RNF43: variants seen among roughly 807,000 people sequenced by gnomAD.
The protein encoded by RNF43 is E3 ubiquitin-protein ligase RNF43.
Under a neutral mutation model 78.4 loss-of-function variants are expected in RNF43, and 37 were observed. The observed-to-expected ratio is 0.47, with a 90% CI of 0.36 to 0.62. The LOEUF is 0.62. Among genes scored for constraint, RNF43 ranks in the 20% least tolerant of loss-of-function variants. The probability of loss-of-function intolerance (pLI) is 0.00; values close to 1 mark genes in which losing one functional copy is unlikely to be tolerated. For synonymous variants in RNF43, 347 were observed against 395.0 expected (o/e 0.88, Z 1.44); for missense variants, 774 against 1,007.9 (o/e 0.77, Z 3.14).
rs745728704 is a variant in RNF43 at position 58,358,759 on chromosome 17, G to C, written c.1017C>G (p.Leu339=). The change falls in exon 9 of 10, where the codon CTC becomes CTG. Residue 339 remains leucine (L), a synonymous_variant. Transcript: ENST00000407977. This position sits in a 1 kb window ranked among gnomAD's most constrained non-coding sequence, Gnocchi z 6.2. The part of the protein sequence containing the change: ...SRSYQEPGRR[L]HLIRQHPGHA... Reference sequence around the variant, plus strand: ...GGCCGGGATGCTGGCGAATGAGGTGGAGTCTTCGACCTGGTTCTTGGTAAG... The same window carrying C: ...GGCCGGGATGCTGGCGAATGAGGTGCAGTCTTCGACCTGGTTCTTGGTAAG... The C allele has an allele frequency of 3.5e-5, 54 of 1,561,122 alleles. No individual in the cohort carries two copies. In the South Asian group the frequency reaches 6.1e-4, roughly 18 times the overall value.
chr17:58,393,987 C>T (rs1258383783), intron 2 of RNF43, among the ~76,000 whole-genome samples: 8 of 152,132 alleles, frequency 5.3e-5, no homozygotes, highest in Non-Finnish European at 1.0e-4. Context: ...ACCTGGGAGG[C>T]GGAGCTTGCA....
chr17:58,416,945 T>C (rs766732077), intron 1 of RNF43, 72 bp downstream of exon 1: 18 of 152,198 alleles, frequency 1.2e-4, no homozygotes, highest in Non-Finnish European at 2.2e-4. Context: ...CATGAACCTG[T>C]TATATGGATT....
rs1348340748 is a variant in RNF43 at position 58,357,827 on chromosome 17, C to T, written c.1949G>A (p.Arg650Gln). 5.6e-6 allele frequency: 9 copies of T among 1,613,934 alleles called. No individual in the cohort carries two copies. Among genetic ancestry groups the T allele is most frequent in the East Asian group, 2.2e-5 (1 of 44,874 alleles). ...FNLQKSSLSA[R>Q]HPQRKRRGGP... ...CCCCCGCCTTTTCCTCTGTGGGTGT[C>T]GGGCAGAGAGGCTGGATTTTTGCAA... Residue 650 changes from arginine to glutamine, a missense_variant, in exon 9 of 10, where the codon CGA becomes CAA. Physicochemically the swap from Arg to Gln is conservative, Grantham distance 43 (BLOSUM62 1). Coordinates refer to ENST00000407977, the MANE Select transcript of RNF43 (RefSeq NM_017763.6). The surrounding 1 kb of genome is among the most constrained non-coding windows in gnomAD (Gnocchi z 4.5).
rs1481105277 is a variant in RNF43 at position 58,358,672 on chromosome 17, C to A, written c.1104G>T (p.Arg368=). The A allele has an allele frequency of 6.6e-7, 1 of 1,526,446 alleles. No homozygotes were observed. The highest frequency in any genetic ancestry group is 1.3e-5 in the South Asian group (1 of 79,192). The allele number at this position is 1,526,446 out of a possible 1,614,324, so 94.6% of individuals were successfully genotyped here. A position where few individuals can be genotyped will look rare whatever the true frequency, so the allele number is the denominator to read the frequency against. The change falls in exon 9 of 10, where the codon CGG becomes CGT. Residue 368 remains arginine (R), a synonymous_variant. Transcript: ENST00000407977. The surrounding 1 kb of genome is among the most constrained non-coding windows in gnomAD (Gnocchi z 6.2). ...LLGPSRSAVA[R]PPRPGPFLPS... is the part of the protein sequence containing the mutation. Reference sequence around the variant, plus strand: ...GCAGGAAGGGACCAGGTCGTGGGGGCCGAGCCACTGCACTCCGGGAAGGGC... The same window carrying A: ...GCAGGAAGGGACCAGGTCGTGGGGGACGAGCCACTGCACTCCGGGAAGGGC...
intron 2 of RNF43, among the ~76,000 whole-genome samples, chr17:58,376,486 C>T (rs191208170): frequency 1.5e-3 from 227 of 152,232 alleles, no homozygotes; most frequent in African/African-American, 5.3e-3. Context: ...GAGAGCTTTT[C>T]AAATATTCTC....
At chr17:58,356,243 G>T (rs1216425716) in intron 9 of RNF43, among the ~76,000 whole-genome samples, 6 of 152,150 alleles carry the variant, frequency 3.9e-5, no homozygotes, top group Non-Finnish European at 8.8e-5. Flanking sequence ...GAAGGAAGGA[G>T]AAAGGAAATG....
chr17:58,361,946 A>G (rs1362226871), intron 6 of RNF43, among the ~76,000 whole-genome samples: 2 of 152,052 alleles, frequency 1.3e-5, no homozygotes, highest in African/African-American at 4.8e-5. Context: ...AATTTTTACT[A>G]AAAATACAAA....
At chr17:58,375,817 G>A (rs190070980) in intron 2 of RNF43, among the ~76,000 whole-genome samples, 3 of 152,338 alleles carry the variant, frequency 2.0e-5, no homozygotes, top group Admixed American at 2.0e-4. Context: ...TTTGTTCCAT[G>A]TCTTTTCCCT....
At chr17:58,362,264 G>A (rs888872573) in intron 6 of RNF43, among the ~76,000 whole-genome samples, 2 of 152,008 alleles carry the variant, frequency 1.3e-5, no homozygotes, top group Non-Finnish European at 2.9e-5. Context: ...GAATAAAAAA[G>A]CTCTTTGAGG....
chr17:58,362,545 GGCCT>G lies in RNF43; in HGVS notation c.682_685del (p.Pro229IlefsTer189). On this transcript the variant is annotated frameshift_variant and splice_region_variant, in exon 6 of 10. Coordinates refer to ENST00000407977, the MANE Select transcript of RNF43 (RefSeq NM_017763.6). LOFTEE classifies it high-confidence loss of function. ...CGCCAAAGACCCCACACTGCTCACC[GGCCT>G]GCTGTGGCGGGGGCGGCACCGGATG... 6.2e-7 allele frequency: 1 copy of G among 1,608,184 alleles called. No homozygotes were observed. The highest frequency in any genetic ancestry group is 8.5e-7 in the Non-Finnish European group (1 of 1,177,000).
chr17:58,398,733 T>G (rs767283637), intron 2 of RNF43, among the ~76,000 whole-genome samples: 13 of 152,056 alleles, frequency 8.5e-5, no homozygotes, highest in Non-Finnish European at 1.8e-4. Flanking sequence ...TATCAAGAAG[T>G]AAAGGTCAAA....
chr17:58,406,521 A>G (rs752753679), intron 2 of RNF43, among the ~76,000 whole-genome samples: 2 of 152,248 alleles, frequency 1.3e-5, no homozygotes, highest in African/African-American at 2.4e-5. Context: ...CTAAGAATGG[A>G]AAACTGAATA....
intron 2 of RNF43, among the ~76,000 whole-genome samples, chr17:58,382,273 T>G (rs977703280): frequency 2.0e-5 from 3 of 152,170 alleles, no homozygotes; most frequent in African/African-American, 7.2e-5. Context: ...AGGGACTAGG[T>G]CTTATTCATC....
At position 58,354,810 on chromosome 17, in the gene RNF43, G is replaced by T. The variant is rs906231559; in HGVS notation, c.*133C>A. On this transcript the variant is annotated 3_prime_UTR_variant, in exon 10 of 10. Coordinates refer to ENST00000407977, the MANE Select transcript of RNF43 (RefSeq NM_017763.6). ...CTCCACCATCACCAGTCCTCTTCCA[G>T]TGCTTCTAGGAAGTACGGCAAAAAG... 1.2e-6 allele frequency: 1 copy of T among 818,490 alleles called. No homozygotes were observed. Among genetic ancestry groups the T allele is most frequent in the Non-Finnish European group, 2.1e-6 (1 of 478,466 alleles). 50.7% of individuals were successfully genotyped at this position (818,490 alleles called of 1,614,324 possible).
chr17:58,357,330 G>T lies in RNF43; in HGVS notation c.2308+138C>A. On this transcript the variant is annotated intron_variant, in intron 9 of 9. Transcript: ENST00000407977. This position sits in a 1 kb window ranked among gnomAD's most constrained non-coding sequence, Gnocchi z 4.5. ...AGCCAGCATGATACGCTGTCCCGAT[G>T]GTTAAGTATTTTGGTTGTCATCTCT... 2 of 1,082,066 alleles carry T rather than the reference G, an allele frequency of 1.8e-6. No individual in the cohort carries two copies. Among genetic ancestry groups the T allele is most frequent in the Non-Finnish European group, 1.4e-6 (1 of 713,208 alleles). 67.0% of individuals were successfully genotyped at this position (1,082,066 alleles called of 1,614,324 possible). A position where few individuals can be genotyped will look rare whatever the true frequency, so the allele number is the denominator to read the frequency against.
chr17:58,405,068 CTTTTTTTTTTTTTTTT>C lies in RNF43; in HGVS notation c.252+10242_252+10257del, dbSNP rs35147601. Among the ~76,000 whole-genome samples the C allele has an allele frequency of 5.3e-3, 421 of 79,654 alleles. 2 individuals are homozygous for C. Among genetic ancestry groups the C allele is most frequent in the African/African-American group, 0.02 (407 of 19,886 alleles). The allele number at this position is 79,654 out of a possible 152,430, so 52.3% of individuals were successfully genotyped here. On this transcript the variant is annotated intron_variant, in intron 2 of 9. Transcript: ENST00000407977. ...AAGGTATGACTGGGTTGTAGTACTT[CTTTTTTTTTTTTTTTT>C]TTTTTTTTTTTGAGACAGAGTCTTG...
chr17:58,360,474 G>A lies in RNF43; in HGVS notation c.850-223C>T, dbSNP rs1222300340. Among the ~76,000 whole-genome samples, 1 of 152,200 alleles carries A rather than the reference G, an allele frequency of 6.6e-6. No individual in the cohort carries two copies. Among genetic ancestry groups the A allele is most frequent in the Non-Finnish European group, 1.5e-5 (1 of 68,038 alleles). On this transcript the variant is annotated intron_variant, in intron 7 of 9. Transcript: ENST00000407977. The surrounding 1 kb of genome is among the most constrained non-coding windows in gnomAD (Gnocchi z 4.3). ...CTTTCTTAACAGACAGTTTTCTGCTGTAAAATGAAGATAAAAAAATGAATC... is the reference window on the plus strand; with the variant it reads ...CTTTCTTAACAGACAGTTTTCTGCTATAAAATGAAGATAAAAAAATGAATC...
chr17:58,364,232 C>T (rs1266700853), intron 3 of RNF43, among the ~76,000 whole-genome samples: 1 of 152,208 alleles, frequency 6.6e-6, no homozygotes, highest in Non-Finnish European at 1.5e-5. Flanking sequence ...TTCTCTGGCT[C>T]CAATTCAAGG....
chr17:58,402,173 A>C (rs757461274), intron 2 of RNF43, among the ~76,000 whole-genome samples: 45 of 152,214 alleles, frequency 3.0e-4, no homozygotes, highest in Admixed American at 8.5e-4. Flanking sequence ...AGGACACCAC[A>C]AGAAGGCTCA....
Sources: allele counts gnomAD v4.1 joint callset (sites outside exome capture counted in the v4.1 genomes callset), GRCh38; gene constraint gnomAD v4.1.1; non-coding constraint Gnocchi (gnomAD v3.1); transcripts MANE v1.5; gene names NCBI Gene and HGNC (gene_info 2026-07-23, HGNC 2026-07-21).